PPFIA2: variants seen among roughly 807,000 people sequenced by gnomAD.
PPFIA2 encodes liprin-alpha-2.
Under a neutral mutation model 175.5 loss-of-function variants are expected in PPFIA2, and 46 were observed. The ratio of observed to expected loss-of-function variants is 0.26; its 90% CI spans 0.21 to 0.34. The LOEUF (loss-of-function observed/expected upper bound fraction) is 0.34. PPFIA2 is among the 10% of genes least tolerant of loss of function. The pLI, the probability that PPFIA2 is intolerant of heterozygous loss-of-function variation, is 1.00. For missense variants in PPFIA2, 1,179 were observed against 1,506.1 expected (o/e 0.78, Z 3.60); for synonymous variants, 568 against 511.4 (o/e 1.11, Z -1.49).
At chr12:81,302,224 A>G (rs1001820540) in intron 22 of PPFIA2, 4 of 404,678 alleles carry the variant, frequency 9.9e-6, no homozygotes, top group African/African-American at 4.2e-5. Flanking sequence ...TAAAGAACAA[A>G]TTTTTTTCTT....
intron 22 of PPFIA2, among the ~76,000 whole-genome samples, chr12:81,325,152 C>T (rs896461992): frequency 6.6e-6 from 1 of 152,008 alleles, no homozygotes; most frequent in African/African-American, 2.4e-5. Context: ...AGAACATGTC[C>T]TAAAGGTGCC....
chr12:81,369,216 A>T (rs748906327), intron 11 of PPFIA2, 22 bp from the exon 12 acceptor site: 5 of 1,600,770 alleles, frequency 3.1e-6, no homozygotes, highest in East Asian at 2.3e-5. Flanking sequence ...TATGAAGAAT[A>T]CACCTGAAAT....
At chr12:81,371,124 G>T (rs1216899523) in intron 11 of PPFIA2, among the ~76,000 whole-genome samples, 3 of 151,692 alleles carry the variant, frequency 2.0e-5, no homozygotes, top group Non-Finnish European at 4.4e-5. Context: ...CTTTCCTTCT[G>T]ATATTCTTAT....
chr12:81,492,113 A>G (rs1252783488), intron 4 of PPFIA2, among the ~76,000 whole-genome samples: 1 of 152,068 alleles, frequency 6.6e-6, no homozygotes, highest in Non-Finnish European at 1.5e-5. Flanking sequence ...CTTAGTAAAA[A>G]TAGCTTCACC....
chr12:81,338,958 G>A (rs569677697), intron 21 of PPFIA2, among the ~76,000 whole-genome samples: 10 of 152,206 alleles, frequency 6.6e-5, no homozygotes, highest in Admixed American at 1.3e-4. Flanking sequence ...GTTATAAAGA[G>A]AGAAATAAAA....
chr12:81,708,772 T>A (rs1233702430), intron 3 of PPFIA2, among the ~76,000 whole-genome samples: 1 of 152,148 alleles, frequency 6.6e-6, no homozygotes, highest in Non-Finnish European at 1.5e-5. Context: ...ATGAACATAA[T>A]CACTGGGCCC....
intron 20 of PPFIA2, among the ~76,000 whole-genome samples, 200 bp downstream of exon 20, chr12:81,340,878 G>A (rs2057928896): frequency 1.3e-5 from 2 of 151,950 alleles, no homozygotes; most frequent in Admixed American, 6.6e-5. Flanking sequence ...AGACCACAAA[G>A]ATACAGTTAA....
intron 3 of PPFIA2, among the ~76,000 whole-genome samples, chr12:81,707,115 G>A (rs189302965): frequency 1.3e-5 from 2 of 152,266 alleles, no homozygotes; most frequent in East Asian, 3.9e-4. Flanking sequence ...GCACGGGAAA[G>A]GACTTCATGT....
rs376058768 is a variant in PPFIA2, at chr12:81,714,664, T to C, written c.250-37820A>G. ...TTTTGAAGCTGGGAAGATATGAAAG[T>C]GGTTATTTTGTTAGACTCTGAAGAA... On this transcript the variant is annotated intron_variant, in intron 3 of 32. Transcript: ENST00000549396. Among the ~76,000 whole-genome samples, 4 of 151,076 alleles carry C rather than the reference T, an allele frequency of 2.6e-5. No homozygotes were observed. The East Asian group carries it at 6.1e-4, about 23-fold the overall frequency.
intron 28 of PPFIA2, among the ~76,000 whole-genome samples, chr12:81,271,778 C>G (rs1481356677): frequency 1.3e-5 from 2 of 151,936 alleles, no homozygotes; most frequent in Non-Finnish European, 2.9e-5. Context: ...AATTTAAGTC[C>G]TGCAGATATT....
chr12:81,387,229 T>C (rs2039172901), intron 8 of PPFIA2, among the ~76,000 whole-genome samples: 2 of 152,202 alleles, frequency 1.3e-5, no homozygotes, highest in African/African-American at 4.8e-5. Context: ...TGTAAAATTG[T>C]GCTACCATTT....
rs377170926 is a variant in PPFIA2, at chr12:81,384,215, G to A, written c.792C>T (p.Thr264=). ...GTTCAACTATTTGACTAGTTTCATC[G>A]GTTGAGTCTATAGAACCATTGGACA... The part of the protein sequence containing the change: ...KRLSNGSIDS[T]DETSQIVELQ... Residue 264 remains threonine (T), a synonymous_variant, in exon 9 of 33, where the codon ACC becomes ACT. Transcript: ENST00000549396. 1.1e-5 allele frequency: 17 copies of A among 1,598,866 alleles called. No homozygotes were observed. Among genetic ancestry groups the A allele is most frequent in the Middle Eastern group, 1.7e-4 (1 of 6,048 alleles).
intron 4 of PPFIA2, among the ~76,000 whole-genome samples, chr12:81,626,235 G>T (rs1411378358): frequency 6.6e-6 from 1 of 151,516 alleles, no homozygotes; most frequent in Non-Finnish European, 1.5e-5. Flanking sequence ...TGGGATGGGG[G>T]CTCTAAAGCT....
chr12:81,568,025 T>C (rs931438795), intron 4 of PPFIA2, among the ~76,000 whole-genome samples: 5 of 152,198 alleles, frequency 3.3e-5, no homozygotes, highest in Admixed American at 2.6e-4. Context: ...TAGAATTGCA[T>C]TGCAGTAATC....
At chr12:81,310,661 T>C (rs765773986) in intron 22 of PPFIA2, among the ~76,000 whole-genome samples, 40 of 152,264 alleles carry the variant, frequency 2.6e-4, no homozygotes, top group Non-Finnish European at 4.6e-4. Context: ...ATAATATTTG[T>C]TATTTTCAAA....
chr12:81,658,130 T>C (rs1243533797), intron 4 of PPFIA2, among the ~76,000 whole-genome samples: 4 of 151,938 alleles, frequency 2.6e-5, no homozygotes, highest in Non-Finnish European at 4.4e-5. Context: ...TAGCTGGGCA[T>C]TGTGTCATAT....
At position 81,369,140 on chromosome 12, in the gene PPFIA2, G is replaced by A. The variant is rs2034398253; in HGVS notation, c.1321C>T (p.Leu441Phe). ...EERMRHLEGQLEEKNQELQRA... is the reference protein window; with the variant it reads ...EERMRHLEGQFEEKNQELQRA... ...TGAAGTTCTTGATTCTTCTCTTCAA[G>A]TTGACCCTCTAAATGTCTCATACGT... Residue 441 changes from leucine to phenylalanine, a missense_variant, in exon 12 of 33, where the codon CTT becomes TTT. Around this residue, in one of 10 missense-constraint regions of PPFIA2, gnomAD observed 66 missense variants for 129.4 expected, o/e 0.51. Coordinates refer to ENST00000549396, the MANE Select transcript of PPFIA2 (RefSeq NM_003625.5). 6.2e-7 allele frequency: 1 copy of A among 1,608,120 alleles called. No homozygotes were observed. Among genetic ancestry groups the A allele is most frequent in the Non-Finnish European group, 8.5e-7 (1 of 1,176,240 alleles).
At chr12:81,345,337 T>C (rs2058868810) in intron 18 of PPFIA2, among the ~76,000 whole-genome samples, 1 of 152,184 alleles carries the variant, frequency 6.6e-6, no homozygotes, top group African/African-American at 2.4e-5. Flanking sequence ...CTGACTTAGA[T>C]ATTAAACACT....
At chr12:81,623,040 T>C (rs1476007252) in intron 4 of PPFIA2, among the ~76,000 whole-genome samples, 1 of 152,108 alleles carries the variant, frequency 6.6e-6, no homozygotes, top group African/African-American at 2.4e-5. Flanking sequence ...TGGTTTTGCT[T>C]TTCAGAAAGA....
Sources: allele counts gnomAD v4.1 joint callset (sites outside exome capture counted in the v4.1 genomes callset), GRCh38; gene constraint gnomAD v4.1.1; regional missense constraint gnomAD v4.1.1; transcripts MANE v1.5; gene names NCBI Gene and HGNC (gene_info 2026-07-23, HGNC 2026-07-21).